The following GCN1 variants were observed in gnomAD, a reference collection of about 807,000 sequenced individuals.
GCN1 encodes GCN1 activator of EIF2AK4.
GCN1 carries 90 observed loss-of-function variants against 288.4 expected under a neutral mutation model. The ratio of observed to expected loss-of-function variants is 0.31; its 90% CI spans 0.26 to 0.37. GCN1 has a LOEUF of 0.37. Ranked by LOEUF, GCN1 falls within the 10% of genes least tolerant of loss-of-function variation. GCN1 has a pLI of 1.00. For missense variants in GCN1, 2,586 were observed against 3,419.9 expected (o/e 0.76, Z 6.08); for synonymous variants, 1,386 against 1,420.2 (o/e 0.98, Z 0.54).
Position 120,149,584 on chromosome 12 carries a change from G to C in GCN1, c.4546+22C>G, listed in dbSNP as rs781397615. 5.3e-5 allele frequency: 81 copies of C among 1,515,288 alleles called. 1 individual carries two copies. In the Middle Eastern group the frequency reaches 1.2e-3, roughly 22 times the overall value. The allele number at this position is 1,515,288 out of a possible 1,614,324, so 93.9% of individuals were successfully genotyped here. A position where few individuals can be genotyped will look rare whatever the true frequency, so the allele number is the denominator to read the frequency against. Reference sequence around the variant, plus strand: ...TTTTCATAACAGGAAGCTGGGAAGAGAGGCAGAGCGAGTGGTCTTACCAGC... The same window carrying C: ...TTTTCATAACAGGAAGCTGGGAAGACAGGCAGAGCGAGTGGTCTTACCAGC... On this transcript the variant is annotated intron_variant, in intron 36 of 57. Coordinates refer to ENST00000300648, the MANE Select transcript of GCN1 (RefSeq NM_006836.2).
In GCN1 at chr12:120,127,967, G is replaced by C. The variant is rs758700047; in HGVS notation, c.7898C>G (p.Ser2633Cys). 3.1e-6 allele frequency: 5 copies of C among 1,614,102 alleles called. 1 individual carries two copies. In the South Asian group the frequency reaches 4.4e-5, roughly 14 times the overall value. Residue 2633 changes from serine (S) to cysteine (C), a missense_variant, in exon 58 of 58, where the codon TCC (serine) becomes TGC (cysteine). Transcript: ENST00000300648. ...CAAACTGGCCACATCCAGGATCTTGGAGAGGGACTGTGGGGAAGGATGAGC... is the reference window on the plus strand; with the variant it reads ...CAAACTGGCCACATCCAGGATCTTGCAGAGGGACTGTGGGGAAGGATGAGC... ...RQGEEVFQSL[S>C]KILDVASLEV...
chr12:120,153,071 G>A lies in GCN1; in HGVS notation c.4062+142C>T. The A allele has an allele frequency of 1.5e-6, 1 of 661,706 alleles. No homozygotes were observed. The highest frequency in any genetic ancestry group is 1.9e-5 in the South Asian group (1 of 51,920). 41.0% of individuals were successfully genotyped at this position (661,706 alleles called of 1,614,324 possible). On this transcript the variant is annotated intron_variant, in intron 33 of 57. Coordinates refer to ENST00000300648, the MANE Select transcript of GCN1 (RefSeq NM_006836.2). The surrounding 1 kb of genome is among the most constrained non-coding windows in gnomAD (Gnocchi z 4.4). ...CTGACTATAAACCAGGCTCTCCCCT[G>A]CGAGAGGGGGTGAATCCTTAACAAG... is the stretch of plus-strand genomic sequence containing the variant.
At chr12:120,140,289 A>T (rs1877147089) in intron 45 of GCN1, among the ~76,000 whole-genome samples, 1 of 152,140 alleles carries the variant, frequency 6.6e-6, no homozygotes, top group Non-Finnish European at 1.5e-5. Context: ...CCTACTCCCC[A>T]GGGTGGTCTC....
intron 56 of GCN1, among the ~76,000 whole-genome samples, 186 bp downstream of exon 56, chr12:120,130,460 T>C (rs1003457452): frequency 2.6e-5 from 4 of 152,234 alleles, no homozygotes; most frequent in Non-Finnish European, 4.4e-5. Context: ...TTAGGCTTTA[T>C]TGCAGTGTAA....
chr12:120,167,104 C>A (rs1369713600), intron 16 of GCN1, among the ~76,000 whole-genome samples: 1 of 151,990 alleles, frequency 6.6e-6, no homozygotes, highest in Non-Finnish European at 1.5e-5. Context: ...CTTTGGGAGG[C>A]CGAGGCAGGT....
At chr12:120,192,272 T>G (rs914035395) in intron 1 of GCN1, among the ~76,000 whole-genome samples, 2 of 152,230 alleles carry the variant, frequency 1.3e-5, no homozygotes, top group Non-Finnish European at 2.9e-5. Context: ...CCTGCCCCAA[T>G]TAGGCATGTG....
intron 14 of GCN1, among the ~76,000 whole-genome samples, chr12:120,173,337 C>T (rs1049038272): frequency 6.6e-5 from 10 of 152,212 alleles, no homozygotes; most frequent in East Asian, 5.8e-4. Flanking sequence ...TGTGAGCCAC[C>T]GCACCCAGCC....
Position 120,175,808 on chromosome 12 carries a change from C to A in GCN1, c.980G>T (p.Arg327Leu), listed in dbSNP as rs1019789507. 3 of 1,613,216 alleles carry A rather than the reference C, an allele frequency of 1.9e-6. No individual in the cohort carries two copies. Reference sequence around the variant, plus strand: ...CATGGCCGAAGAGTCACTGCACTGGCGTGCCAGGTTCCGCAGTGCCAGCAC... The same window carrying A: ...CATGGCCGAAGAGTCACTGCACTGGAGTGCCAGGTTCCGCAGTGCCAGCAC... ...EAVLALRNLA[R>L]QCSDSSAMES... Residue 327 changes from arginine (R) to leucine (L), a missense_variant, in exon 11 of 58, where the codon CGC becomes CTC. By Grantham distance (102) the Arg-to-Leu change is moderately radical. Transcript: ENST00000300648.
At chr12:120,147,362 G>A (rs971825696) in intron 37 of GCN1, 90 bp from the exon 38 acceptor site, 2 of 603,450 alleles carry the variant, frequency 3.3e-6, no homozygotes, top group Non-Finnish European at 2.7e-6. Flanking sequence ...GATCAGAAGA[G>A]AAGGGAGTCT....
intron 1 of GCN1, among the ~76,000 whole-genome samples, chr12:120,193,424 G>A (rs1252834500): frequency 6.6e-6 from 1 of 152,052 alleles, no homozygotes; most frequent in Non-Finnish European, 1.5e-5. Context: ...TCATGCCTCA[G>A]CCTCCTGAGT....
chr12:120,184,698 G>T, intron 3 of GCN1, 126 bp downstream of exon 3: 1 of 740,910 alleles, frequency 1.3e-6, no homozygotes, highest in Non-Finnish European at 2.4e-6. Flanking sequence ...GGATCTAATG[G>T]CTAGGATGTG....
chr12:120,150,885 C>T lies in GCN1; in HGVS notation c.4309+260G>A, dbSNP rs539872168. Among the ~76,000 whole-genome samples the T allele has an allele frequency of 3.3e-5, 5 of 150,990 alleles. No homozygotes were observed. In the East Asian group the frequency reaches 7.8e-4, roughly 23 times the overall value. ...CCAGGAGGCTGAGCTTGCAGTGAGC[C>T]AAGATCACGCCACTGCACTCTAGCC... is the stretch of plus-strand genomic sequence containing the variant. On this transcript the variant is annotated intron_variant, in intron 34 of 57. Coordinates refer to ENST00000300648, the MANE Select transcript of GCN1 (RefSeq NM_006836.2).
intron 3 of GCN1, 51 bp downstream of exon 3, chr12:120,184,773 C>G (rs1399256690): frequency 7.6e-7 from 1 of 1,312,326 alleles, no homozygotes; most frequent in Admixed American, 1.7e-5. Flanking sequence ...TACTCTAAAT[C>G]CCCTCTCTGT....
rs58560211 is a variant in GCN1 at position 120,175,126 on chromosome 12, C to CAA, written c.1093+34_1093+35dup. 4.8e-3 allele frequency: 5,062 copies of CAA among 1,061,038 alleles called. 12 individuals carry two copies. Among genetic ancestry groups the CAA allele is most frequent in the South Asian group, 7.5e-3 (522 of 69,812 alleles). 65.7% of individuals were successfully genotyped at this position (1,061,038 alleles called of 1,614,324 possible). On this transcript the variant is annotated intron_variant, in intron 12 of 57. Transcript: ENST00000300648. ...TAGATGACACAGCAAGACTTTCTCT[C>CAA]AAAAAAAAAAAAAAAAAAAAAAAGA...
chr12:120,171,536 T>G (rs1426333499), intron 14 of GCN1, among the ~76,000 whole-genome samples: 2 of 152,216 alleles, frequency 1.3e-5, no homozygotes, highest in Admixed American at 1.3e-4. Flanking sequence ...TGTTGTTCCA[T>G]GTTTCCATAG....
At chr12:120,182,382 T>C (rs960262188) in intron 5 of GCN1, among the ~76,000 whole-genome samples, 1 of 152,144 alleles carries the variant, frequency 6.6e-6, no homozygotes, top group Non-Finnish European at 1.5e-5. Flanking sequence ...AGAGGTGCGC[T>C]GGATAAGCTC....
In GCN1 at chr12:120,144,727, C is replaced by A; in HGVS notation, c.5264G>T (p.Gly1755Val). The A allele has an allele frequency of 6.2e-7, 1 of 1,613,982 alleles. No homozygotes were observed. Among genetic ancestry groups the A allele is most frequent in the Non-Finnish European group, 8.5e-7 (1 of 1,179,806 alleles). ...CAGGTAGTTAAACATCATAATGTAG[C>A]CATCTCGGACATGGGGTGCAATGTC... ...KVDIAPHVRD[G>V]YIMMFNYLPI... The change falls in exon 41 of 58, where the codon GGC (glycine) becomes GTC (valine). Residue 1755 changes from glycine to valine, a missense_variant. This residue lies in a region of GCN1 where 371 missense variants were observed against 572.6 expected (regional missense o/e 0.65). Transcript: ENST00000300648. The surrounding 1 kb of genome is among the most constrained non-coding windows in gnomAD (Gnocchi z 4.7).
intron 11 of GCN1, among the ~76,000 whole-genome samples, chr12:120,175,419 G>GA (rs1454247099): frequency 1.3e-5 from 2 of 152,082 alleles, no homozygotes; most frequent in African/African-American, 4.8e-5. Flanking sequence ...TTGAGAAACA[G>GA]AAAAAATATA....
chr12:120,163,777 T>C (rs1878012043), intron 18 of GCN1, among the ~76,000 whole-genome samples: 1 of 151,982 alleles, frequency 6.6e-6, no homozygotes, highest in South Asian at 2.1e-4. Context: ...GGGTAGAAAA[T>C]GCTTTAAAAA....
Sources: gnomAD v4.1 joint callset for allele counts (sites outside exome capture counted in the v4.1 genomes callset) on GRCh38, gnomAD v4.1.1 for gene constraint, gnomAD v4.1.1 regional missense constraint, Gnocchi (gnomAD v3.1) non-coding constraint, MANE v1.5 for transcripts, NCBI Gene and HGNC (gene_info 2026-07-23, HGNC 2026-07-21) for gene names.